The following FSTL4 variants were observed in gnomAD, a reference collection of about 807,000 sequenced individuals.
FSTL4 encodes follistatin-related protein 4.
A neutral mutation model predicts 78.2 loss-of-function variants in FSTL4; 28 were observed. The ratio of observed to expected loss-of-function variants is 0.36; its 90% CI spans 0.27 to 0.49. FSTL4 has a LOEUF of 0.49. Ranked by LOEUF, FSTL4 falls within the 20% of genes least tolerant of loss-of-function variation. The probability of loss-of-function intolerance (pLI) is 0.98; values close to 1 mark genes in which losing one functional copy is unlikely to be tolerated. For synonymous variants in FSTL4, 422 were observed against 440.5 expected (o/e 0.96, Z 0.53); for missense variants, 922 against 1,084.9 (o/e 0.85, Z 2.11).
At chr5:133,254,825 C>T (rs1235642339) in intron 6 of FSTL4, among the ~76,000 whole-genome samples, 1 of 152,180 alleles carries the variant, frequency 6.6e-6, no homozygotes, top group Non-Finnish European at 1.5e-5. Flanking sequence ...ATCCTGATGG[C>T]GAGGGTCTGG....
intron 3 of FSTL4, among the ~76,000 whole-genome samples, chr5:133,423,823 A>G (rs558833040): frequency 6.6e-5 from 10 of 152,322 alleles, no homozygotes; most frequent in Middle Eastern, 6.8e-3. Context: ...GGAAGAAGAC[A>G]TACATAACTG....
the FSTL4 span, among the ~76,000 whole-genome samples, chr5:133,677,222 C>T: frequency 6.6e-6 from 1 of 152,220 alleles, no homozygotes; most frequent in East Asian, 1.9e-4. Context: ...CATTTACTTT[C>T]CCCTGGAATG....
the FSTL4 span, among the ~76,000 whole-genome samples, chr5:133,783,498 C>A: frequency 6.6e-6 from 1 of 152,356 alleles, no homozygotes; most frequent in Non-Finnish European, 1.5e-5. Flanking sequence ...GCCTAACAAA[C>A]ACACGGCCTC....
At chr5:133,804,411 A>C in the FSTL4 span, among the ~76,000 whole-genome samples, 1 of 152,224 alleles carries the variant, frequency 6.6e-6, no homozygotes, top group Non-Finnish European at 1.5e-5. Context: ...AAACCCGGCA[A>C]ACCCTTATAG....
At chr5:133,629,271 C>T in the FSTL4 span, among the ~76,000 whole-genome samples, 286 of 152,184 alleles carry the variant, frequency 1.9e-3, 2 homozygotes, top group African/African-American at 6.1e-3. Context: ...TGATGGATTA[C>T]ATTTATTGAT....
At chr5:133,532,732 C>T (rs868627363) in intron 3 of FSTL4, among the ~76,000 whole-genome samples, 1 of 152,252 alleles carries the variant, frequency 6.6e-6, no homozygotes, top group Middle Eastern at 3.4e-3. Context: ...AGGTCAGAGC[C>T]TCCTTTAACA....
chr5:133,284,246 T>C (rs1428146), intron 6 of FSTL4, among the ~76,000 whole-genome samples: 118,138 of 152,170 alleles, frequency 0.78, 46,134 homozygotes, highest in African/African-American at 0.87. Context: ...ATCTGCAAAT[T>C]TGGAACTCCA....
At chr5:133,520,110 C>T (rs1183433637) in intron 3 of FSTL4, among the ~76,000 whole-genome samples, 1 of 152,154 alleles carries the variant, frequency 6.6e-6, no homozygotes, top group Non-Finnish European at 1.5e-5. Flanking sequence ...CTTCTCCTTT[C>T]TCAGGACCCT....
chr5:133,434,074 T>C (rs187524523), intron 3 of FSTL4, among the ~76,000 whole-genome samples: 4 of 151,894 alleles, frequency 2.6e-5, no homozygotes, highest in East Asian at 3.9e-4. Flanking sequence ...TGCATGGAGA[T>C]TGGTCTGCAA....
At position 133,569,937 on chromosome 5, in the gene FSTL4, C is replaced by T. The variant is rs79470664; in HGVS notation, c.127-2718G>A. ...ATCAGATTTAGAAATTGCCCGGGCG[C>T]GGTGGCTCTCACCTGTAATCCCAGC... is the stretch of plus-strand genomic sequence containing the variant. On this transcript the variant is annotated intron_variant, in intron 2 of 15. Transcript: ENST00000265342. Among the ~76,000 whole-genome samples the T allele has an allele frequency of 5.2e-3, 796 of 152,102 alleles. 8 individuals are homozygous for T. The highest frequency in any genetic ancestry group is 0.018 in the African/African-American group (766 of 41,516).
intron 3 of FSTL4, among the ~76,000 whole-genome samples, chr5:133,514,182 G>GATGATAATA (rs1554067733): frequency 8.6e-6 from 1 of 116,644 alleles, no homozygotes; most frequent in Non-Finnish European, 1.6e-5. Context: ...CCGTCTCAAT[G>GATGATAATA]ATAATAATAA....
chr5:133,828,959 A>G, the FSTL4 span, among the ~76,000 whole-genome samples: 1 of 152,214 alleles, frequency 6.6e-6, no homozygotes, highest in Admixed American at 6.5e-5. Flanking sequence ...AACAGCGGGC[A>G]GGCAGCCTCA....
intron 3 of FSTL4, among the ~76,000 whole-genome samples, chr5:133,401,232 AAACAC>A (rs1756217089): frequency 6.6e-6 from 1 of 152,190 alleles, no homozygotes; most frequent in South Asian, 2.1e-4. Context: ...TGAACATCTG[AAACAC>A]AACACCTTTC....
chr5:133,291,304 G>A (rs1000779336), intron 6 of FSTL4, among the ~76,000 whole-genome samples: 8 of 152,178 alleles, frequency 5.3e-5, no homozygotes, highest in African/African-American at 7.2e-5. Flanking sequence ...GTCTGGAGGC[G>A]TGGGTGGGAC....
intron 2 of FSTL4, among the ~76,000 whole-genome samples, chr5:133,572,055 C>A (rs79639123): frequency 0.028 from 4,312 of 152,180 alleles, 84 homozygotes; most frequent in Non-Finnish European, 0.044. Context: ...TCTCCACAAG[C>A]CCCAAGCAAG....
the FSTL4 span, among the ~76,000 whole-genome samples, chr5:133,821,226 T>A: frequency 6.6e-6 from 1 of 152,362 alleles, no homozygotes; most frequent in Admixed American, 6.5e-5. Context: ...CTTGAGGGTT[T>A]CATGCTAACA....
chr5:133,676,921 G>C, the FSTL4 span, among the ~76,000 whole-genome samples: 7 of 152,146 alleles, frequency 4.6e-5, no homozygotes, highest in African/African-American at 1.7e-4. Context: ...TCCACCACGA[G>C]GGTTTTAATC....
At chr5:133,694,480 C>T in the FSTL4 span, among the ~76,000 whole-genome samples, 2 of 152,236 alleles carry the variant, frequency 1.3e-5, no homozygotes, top group African/African-American at 4.8e-5. Context: ...GCTAGGGCAC[C>T]GTGGACTGTG....
chr5:133,282,779 G>A (rs1185022513), intron 6 of FSTL4, among the ~76,000 whole-genome samples: 1 of 152,182 alleles, frequency 6.6e-6, no homozygotes, highest in Admixed American at 6.5e-5. Context: ...TGAACCAGGG[G>A]TTTGTCACCC....
Sources: gnomAD v4.1 joint callset for allele counts (sites outside exome capture counted in the v4.1 genomes callset) on GRCh38, gnomAD v4.1.1 for gene constraint, MANE v1.5 for transcripts, NCBI Gene and HGNC (gene_info 2026-07-23, HGNC 2026-07-21) for gene names.